GALNTL6: variants seen among roughly 807,000 people sequenced by gnomAD.
GALNTL6 encodes polypeptide N-acetylgalactosaminyltransferase like 6.
Under a neutral mutation model 73.7 loss-of-function variants are expected in GALNTL6, and 46 were observed. The observed-to-expected ratio is 0.62, with a 90% CI of 0.49 to 0.80. The LOEUF (loss-of-function observed/expected upper bound fraction) is 0.80, where lower values mean the gene tolerates loss of function less well. GALNTL6 is among the 30% of genes least tolerant of loss of function. GALNTL6 has a pLI of 0.00. For synonymous variants in GALNTL6, 259 were observed against 263.7 expected, an observed-to-expected ratio of 0.98 and a Z score of 0.17; for missense variants, 604 against 755.0, an observed-to-expected ratio of 0.80 and a Z score of 2.34.
At chr4:172,554,285 T>C (rs918387465) in intron 5 of GALNTL6, among the ~76,000 whole-genome samples, 3 of 152,164 alleles carry the variant, frequency 2.0e-5, no homozygotes, top group Non-Finnish European at 4.4e-5. Flanking sequence ...ACTATATTGG[T>C]GAATTGGTAT....
intron 2 of GALNTL6, among the ~76,000 whole-genome samples, chr4:171,929,356 G>A (rs1021668280): frequency 2.6e-5 from 4 of 152,122 alleles, no homozygotes; most frequent in Non-Finnish European, 5.9e-5. Context: ...TTAGACGTGA[G>A]CCTCCATTTT....
At chr4:171,926,511 A>T (rs1485532672) in intron 2 of GALNTL6, among the ~76,000 whole-genome samples, 3 of 152,052 alleles carry the variant, frequency 2.0e-5, no homozygotes, top group Non-Finnish European at 2.9e-5. Flanking sequence ...GAATTTTTAG[A>T]TTTTGGGGTA....
At chr4:172,593,611 A>G (rs1458482289) in intron 5 of GALNTL6, among the ~76,000 whole-genome samples, 1 of 151,822 alleles carries the variant, frequency 6.6e-6, no homozygotes, top group East Asian at 1.9e-4. Context: ...ATATTAACCT[A>G]TGTTATCAAT....
chr4:171,996,585 T>G (rs1740491481), intron 2 of GALNTL6, among the ~76,000 whole-genome samples: 2 of 152,180 alleles, frequency 1.3e-5, no homozygotes, highest in East Asian at 1.9e-4. Flanking sequence ...CTATTAGGAT[T>G]ATTAATAATG....
chr4:172,771,633 AT>A (rs886149662), intron 5 of GALNTL6, among the ~76,000 whole-genome samples: 1 of 152,162 alleles, frequency 6.6e-6, no homozygotes, highest in Admixed American at 6.5e-5. Flanking sequence ...GGAAGTCAAC[AT>A]TTTTCTATGG....
chr4:172,376,743 A>G (rs1430793168), intron 5 of GALNTL6, among the ~76,000 whole-genome samples: 8 of 152,162 alleles, frequency 5.3e-5, no homozygotes, highest in South Asian at 4.1e-4. Flanking sequence ...GCGATAGGCA[A>G]TAGTCTCTTC....
At chr4:172,592,678 A>ATCTATCTATCTG (rs1737690288) in intron 5 of GALNTL6, among the ~76,000 whole-genome samples, 4 of 150,192 alleles carry the variant, frequency 2.7e-5, no homozygotes, top group Non-Finnish European at 5.9e-5. Flanking sequence ...CTGTCTATCT[A>ATCTATCTATCTG]TCTATCTATC....
intron 3 of GALNTL6, among the ~76,000 whole-genome samples, chr4:172,240,888 A>G (rs1232181945): frequency 6.6e-6 from 1 of 152,130 alleles, no homozygotes; most frequent in Non-Finnish European, 1.5e-5. Context: ...TACTGTGGTC[A>G]TTTGGAGGAA....
intron 2 of GALNTL6, among the ~76,000 whole-genome samples, chr4:171,879,333 A>G (rs1736370759): frequency 1.3e-5 from 2 of 152,202 alleles, no homozygotes; most frequent in Non-Finnish European, 2.9e-5. Context: ...TGAAAATGGC[A>G]TATAGAAGCA....
At chr4:172,938,472 A>G (rs1482140054) in intron 9 of GALNTL6, among the ~76,000 whole-genome samples, 1 of 152,272 alleles carries the variant, frequency 6.6e-6, no homozygotes, top group Non-Finnish European at 1.5e-5. Flanking sequence ...AAAAGATATC[A>G]GCTGAGGAAA....
intron 5 of GALNTL6, among the ~76,000 whole-genome samples, chr4:172,671,949 G>A (rs1167738659): frequency 6.6e-6 from 1 of 152,120 alleles, no homozygotes; most frequent in African/African-American, 2.4e-5. Context: ...GGAGTGCAGT[G>A]GTGCAATCTC....
intron 7 of GALNTL6, among the ~76,000 whole-genome samples, chr4:172,818,886 C>T (rs1579522689): frequency 6.6e-6 from 1 of 152,314 alleles, no homozygotes; most frequent in African/African-American, 2.4e-5. Context: ...CATGAGCCAC[C>T]GCACTTGGCC....
intron 3 of GALNTL6, among the ~76,000 whole-genome samples, chr4:172,270,729 T>TGATAGATAGATAGATAGATAGATA (rs34612752): frequency 0.056 from 8,520 of 151,664 alleles, 262 homozygotes; most frequent in East Asian, 0.081. Flanking sequence ...GGTAGGTAGA[T>TGATAGATAGATAGATAGATAGATA]GATAGATAGA....
chr4:171,960,212 G>C (rs2111045777), intron 2 of GALNTL6, among the ~76,000 whole-genome samples: 1 of 152,262 alleles, frequency 6.6e-6, no homozygotes, highest in Non-Finnish European at 1.5e-5. Context: ...CAATATTAGA[G>C]TCAAATTTTA....
intron 9 of GALNTL6, among the ~76,000 whole-genome samples, chr4:172,932,203 A>G (rs962122722): frequency 6.6e-6 from 1 of 152,212 alleles, no homozygotes; most frequent in Non-Finnish European, 1.5e-5. Context: ...TCATTAGAGT[A>G]TCAGTAACAC....
At chr4:172,705,817 G>A (rs1345273040) in intron 5 of GALNTL6, among the ~76,000 whole-genome samples, 2 of 151,790 alleles carry the variant, frequency 1.3e-5, no homozygotes, top group Non-Finnish European at 2.9e-5. Context: ...TGTCCTGTAG[G>A]GTTTCTACTG....
chr4:172,205,900 G>A (rs906926561), intron 2 of GALNTL6, among the ~76,000 whole-genome samples: 1 of 152,072 alleles, frequency 6.6e-6, no homozygotes, highest in Non-Finnish European at 1.5e-5. Context: ...TGTTGTTTTG[G>A]CATCTCCATC....
chr4:171,855,926 A>C (rs1386090695), intron 2 of GALNTL6, among the ~76,000 whole-genome samples: 1 of 152,208 alleles, frequency 6.6e-6, no homozygotes, highest in Non-Finnish European at 1.5e-5. Flanking sequence ...GAATCTGTTC[A>C]GATATTTTGC....
At chr4:172,556,451 A>T (rs1012232194) in intron 5 of GALNTL6, among the ~76,000 whole-genome samples, 1 of 140,068 alleles carries the variant, frequency 7.1e-6, no homozygotes, top group Non-Finnish European at 1.5e-5. Context: ...AAATAAATAA[A>T]CAAACAAGAC....
Sources: allele counts gnomAD v4.1 joint callset (sites outside exome capture counted in the v4.1 genomes callset), GRCh38; gene constraint gnomAD v4.1.1; transcripts MANE v1.5; gene names NCBI Gene and HGNC (gene_info 2026-07-23, HGNC 2026-07-21).